NFIL3: variants seen among roughly 807,000 people sequenced by gnomAD.
NFIL3 encodes the protein nuclear factor, interleukin 3 regulated, also known as nuclear factor interleukin-3-regulated protein.
In NFIL3, 5 loss-of-function variants were observed where a neutral mutation model predicts 10.0. The ratio of observed to expected loss-of-function variants is 0.50; its 90% CI spans 0.26 to 1.06. NFIL3 has a LOEUF of 1.06. Among genes scored for constraint, NFIL3 ranks in the 50% least tolerant of loss-of-function variants. The probability of loss-of-function intolerance (pLI) is 0.13; values close to 1 mark genes in which losing one functional copy is unlikely to be tolerated. For synonymous variants in NFIL3, 202 were observed against 206.5 expected (o/e 0.98, Z 0.19); for missense variants, 436 against 547.6 (o/e 0.80, Z 2.03).
the NFIL3 span, among the ~76,000 whole-genome samples, chr9:91,453,637 C>T: frequency 4.6e-4 from 70 of 152,102 alleles, no homozygotes; most frequent in Non-Finnish European, 8.2e-4. Flanking sequence ...AAAGCAGAGA[C>T]ATTTCCAACA....
chr9:91,470,405 A>G, the NFIL3 span, among the ~76,000 whole-genome samples: 1 of 41,522 alleles, frequency 2.4e-5, no homozygotes, highest in Non-Finnish European at 3.8e-5. Flanking sequence ...TATTGTGTCT[A>G]TTTGATTCTT....
At chr9:91,427,672 C>A (rs532166111), upstream of NFIL3, among the ~76,000 whole-genome samples, 7 of 152,090 alleles carry the variant, frequency 4.6e-5, 1 homozygote, top group African/African-American at 1.7e-4. Flanking sequence ...CAGGGTCTTG[C>A]TCTCTTGCCC....
At chr9:91,445,909 G>A in the NFIL3 span, among the ~76,000 whole-genome samples, 1,601 of 152,210 alleles carry the variant, frequency 0.011, 20 homozygotes, top group Middle Eastern at 0.017. Flanking sequence ...CTATCATGTG[G>A]GCATGGTACA....
At chr9:91,450,430 A>T in the NFIL3 span, among the ~76,000 whole-genome samples, 1 of 152,114 alleles carries the variant, frequency 6.6e-6, no homozygotes, top group African/African-American at 2.4e-5. Context: ...GTCTCCAATC[A>T]TCTAATATCT....
In NFIL3 at chr9:91,417,106, T is replaced by C. The variant is rs1833671661; in HGVS notation, c.-172-6200A>G. On this transcript the variant is annotated intron_variant, in intron 1 of 1. Transcript: ENST00000297689. ...TGAGAACATTTTGTTATTAATTATC[T>C]ATAAAGGGTAAGTTTTATTGCAAAT... 3.3e-5 allele frequency among the ~76,000 whole-genome samples: 5 copies of C among 152,316 alleles called. No homozygotes were observed. In the South Asian group the frequency reaches 1.0e-3, roughly 32 times the overall value.
upstream of NFIL3, chr9:91,424,012 C>A (rs1833828934): frequency 6.7e-6 from 1 of 148,728 alleles, no homozygotes; most frequent in Non-Finnish European, 1.5e-5. Flanking sequence ...CCCTCAGCTC[C>A]CCCTCCGCGG....
At chr9:91,476,519 G>T in the NFIL3 span, among the ~76,000 whole-genome samples, 17 of 151,768 alleles carry the variant, frequency 1.1e-4, no homozygotes, top group Non-Finnish European at 4.4e-5. Flanking sequence ...GTTGCCGTGA[G>T]CCAAGATTGC....
chr9:91,460,705 G>T, the NFIL3 span, among the ~76,000 whole-genome samples: 5 of 152,130 alleles, frequency 3.3e-5, no homozygotes, highest in African/African-American at 1.2e-4. Context: ...GTTCTGCAAA[G>T]TTCCTGAGTT....
At chr9:91,442,979 T>C in the NFIL3 span, among the ~76,000 whole-genome samples, 1 of 151,932 alleles carries the variant, frequency 6.6e-6, no homozygotes, top group Non-Finnish European at 1.5e-5. Context: ...AAAAATGAGG[T>C]ATGTGGACAA....
the NFIL3 span, among the ~76,000 whole-genome samples, chr9:91,479,918 C>A: frequency 0.16 from 24,249 of 152,062 alleles, 4,409 homozygotes; most frequent in African/African-American, 0.44. Context: ...AGTTCCCTGA[C>A]CCCTTGCACT....
At position 91,409,370 on chromosome 9, in the gene NFIL3, T is replaced by G. The variant is rs754159843; in HGVS notation, c.1365A>C (p.Pro455=). ...TTTACCCAGAGTCTGAAGCAGAGAT[T>G]GGTTGTGTGGCTATAAGTCTCTTGA... The part of the protein sequence containing the change: ...VSLKRLIATQ[P]ISASDSG Residue 455 remains proline, a synonymous_variant, in exon 2 of 2, where the codon CCA becomes CCC. Coordinates refer to ENST00000297689, the MANE Select transcript of NFIL3 (RefSeq NM_005384.3). 3.1e-5 allele frequency: 49 copies of G among 1,581,740 alleles called. 1 individual carries two copies. The Middle Eastern group carries it at 8.5e-4, about 27-fold the overall frequency.
In NFIL3 at chr9:91,409,928, G is replaced by A; in HGVS notation, c.807C>T (p.Ser269=). 6.2e-7 allele frequency: 1 copy of A among 1,613,852 alleles called. No homozygotes were observed. ...CAGTTTCCGACGTTCTCGGGGAGTT[G>A]CTGGAGGATCGGTTGACTTGCAGTA... ...PPLLQVNRSS[S]NSPRTSETDD... is the part of the protein sequence containing the mutation. Residue 269 remains serine (S), a synonymous_variant, in exon 2 of 2, where the codon AGC becomes AGT. Transcript: ENST00000297689.
the NFIL3 span, among the ~76,000 whole-genome samples, chr9:91,442,078 T>G: frequency 6.6e-6 from 1 of 151,986 alleles, no homozygotes; most frequent in Non-Finnish European, 1.5e-5. Context: ...ATTATTGTCC[T>G]TTTTTTTCTG....
At chr9:91,441,982 A>G in the NFIL3 span, among the ~76,000 whole-genome samples, 1 of 152,252 alleles carries the variant, frequency 6.6e-6, no homozygotes, top group Non-Finnish European at 1.5e-5. Context: ...GCCTGTACTC[A>G]TACATATGAA....
the NFIL3 span, among the ~76,000 whole-genome samples, chr9:91,453,852 T>A: frequency 9.0e-3 from 1,373 of 152,176 alleles, 8 homozygotes; most frequent in Non-Finnish European, 0.014. Context: ...TCATTTCTGG[T>A]TTTGTGTGTC....
At chr9:91,467,999 G>A in the NFIL3 span, among the ~76,000 whole-genome samples, 2 of 152,136 alleles carry the variant, frequency 1.3e-5, no homozygotes, top group Non-Finnish European at 2.9e-5. Flanking sequence ...ATAAACATAT[G>A]TGTGCATGTG....
chr9:91,427,664 G>A (rs138354990), upstream of NFIL3, among the ~76,000 whole-genome samples: 117 of 151,990 alleles, frequency 7.7e-4, 1 homozygote, highest in African/African-American at 2.6e-3. Flanking sequence ...TTTTGAGACA[G>A]GGTCTTGCTC....
chr9:91,474,180 T>C, the NFIL3 span, among the ~76,000 whole-genome samples: 7 of 152,086 alleles, frequency 4.6e-5, no homozygotes, highest in Admixed American at 4.6e-4. Context: ...TGTCAATTGC[T>C]CTTTTTGTAC....
chr9:91,417,923 T>C (rs1833688638), intron 1 of NFIL3, among the ~76,000 whole-genome samples: 1 of 152,206 alleles, frequency 6.6e-6, no homozygotes, highest in South Asian at 2.1e-4. Context: ...CCTGATCCAG[T>C]TTATGATAAA....
Sources: gnomAD v4.1 joint callset for allele counts (sites outside exome capture counted in the v4.1 genomes callset) on GRCh38, gnomAD v4.1.1 for gene constraint, MANE v1.5 for transcripts, NCBI Gene and HGNC (gene_info 2026-07-23, HGNC 2026-07-21) for gene names.